CDIN1: variants seen among roughly 807,000 people sequenced by gnomAD.
CDIN1 encodes CDAN1 interacting nuclease 1.
CDIN1 carries 33 observed loss-of-function variants against 45.3 expected under a neutral mutation model. The ratio of observed to expected loss-of-function variants is 0.73; its 90% CI spans 0.55 to 0.97. CDIN1 has a LOEUF of 0.97. CDIN1 is among the 50% of genes least tolerant of loss of function. The pLI is 0.00. For missense variants in CDIN1, 303 were observed against 339.4 expected (o/e 0.89, Z 0.84); for synonymous variants, 118 against 124.4 (o/e 0.95, Z 0.34).
At chr15:36,702,062 CTG>C (rs1484580393) in intron 8 of CDIN1, 1 of 702,202 alleles carries the variant, frequency 1.4e-6, no homozygotes, top group South Asian at 1.5e-5. Context: ...AATACCAAGA[CTG>C]TGTGTACACG....
At chr15:36,626,826 G>A (rs544368317) in intron 1 of CDIN1, 19 of 262,394 alleles carry the variant, frequency 7.2e-5, no homozygotes, top group Admixed American at 3.0e-4. Flanking sequence ...GTTGGGGAGG[G>A]TATTTGCATA....
intron 1 of CDIN1, chr15:36,626,825 G>A (rs2039448141): frequency 3.8e-6 from 1 of 263,782 alleles, no homozygotes; most frequent in East Asian, 1.2e-4. Context: ...GGTTGGGGAG[G>A]GTATTTGCAT....
chr15:36,579,834 C>A lies in CDIN1; in HGVS notation c.-27C>A. Reference sequence around the variant, plus strand: ...GCCCCAGGGTGTTTTTTCCTTGTTCCCGCCACCTCCTGGTCCCTGGCCCAA... The same window carrying A: ...GCCCCAGGGTGTTTTTTCCTTGTTCACGCCACCTCCTGGTCCCTGGCCCAA... On this transcript the variant is annotated 5_prime_UTR_variant, in exon 1 of 11. Transcript: ENST00000566621. 1 of 1,591,502 alleles carries A rather than the reference C, an allele frequency of 6.3e-7. No homozygotes were observed. Among genetic ancestry groups the A allele is most frequent in the East Asian group, 2.3e-5 (1 of 44,314 alleles).
intron 10 of CDIN1, among the ~76,000 whole-genome samples, chr15:36,785,649 A>G (rs2054471192): frequency 6.6e-6 from 1 of 152,206 alleles, no homozygotes; most frequent in East Asian, 1.9e-4. Flanking sequence ...CTTGCTCTCC[A>G]GTGACCCAGG....
intron 3 of CDIN1, among the ~76,000 whole-genome samples, chr15:36,653,200 C>T (rs1250232805): frequency 1.3e-5 from 2 of 152,092 alleles, no homozygotes; most frequent in Non-Finnish European, 2.9e-5. Flanking sequence ...GGGTATTCCT[C>T]GATTGCATAT....
intron 7 of CDIN1, among the ~76,000 whole-genome samples, chr15:36,693,979 T>C (rs950773140): frequency 2.0e-5 from 3 of 152,244 alleles, no homozygotes; most frequent in Non-Finnish European, 4.4e-5. Flanking sequence ...GACGTATGTC[T>C]ATAAATTACA....
At chr15:36,587,814 G>A (rs1430436025) in intron 1 of CDIN1, among the ~76,000 whole-genome samples, 5 of 152,082 alleles carry the variant, frequency 3.3e-5, no homozygotes, top group Admixed American at 6.5e-5. Flanking sequence ...GAAGTCCGAC[G>A]GCTAGGAAGT....
intron 10 of CDIN1, chr15:36,798,622 A>C (rs543306395): frequency 6.6e-6 from 1 of 152,314 alleles, no homozygotes; most frequent in African/African-American, 2.4e-5. Context: ...TTTTATTTTA[A>C]GCAGACTTTT....
intron 5 of CDIN1, among the ~76,000 whole-genome samples, chr15:36,687,695 T>G (rs1412244516): frequency 1.3e-5 from 2 of 152,098 alleles, no homozygotes; most frequent in African/African-American, 4.8e-5. Context: ...GATGATTATT[T>G]CATGTGTAGT....
At chr15:36,597,596 C>A (rs138987239) in intron 1 of CDIN1, among the ~76,000 whole-genome samples, 64 of 152,272 alleles carry the variant, frequency 4.2e-4, no homozygotes, top group African/African-American at 1.5e-3. Flanking sequence ...GAGATTGGAA[C>A]TTTACTATTT....
chr15:36,595,290 TTATAA>T (rs36228170), intron 1 of CDIN1, among the ~76,000 whole-genome samples: 43,036 of 141,192 alleles, frequency 0.3, 7,441 homozygotes, highest in African/African-American at 0.48. Flanking sequence ...TACACTTACA[TTATAA>T]TATAATATAA....
intron 1 of CDIN1, among the ~76,000 whole-genome samples, chr15:36,580,590 C>T (rs998029403): frequency 1.3e-5 from 2 of 152,162 alleles, no homozygotes; most frequent in Admixed American, 6.6e-5. Context: ...TACTTCCTCC[C>T]CCAAACACTT....
At chr15:36,702,566 T>C (rs1057432272) in intron 8 of CDIN1, among the ~76,000 whole-genome samples, 1 of 152,110 alleles carries the variant, frequency 6.6e-6, no homozygotes, top group Non-Finnish European at 1.5e-5. Context: ...GGTCATCTGC[T>C]TTTGGGTCAC....
At chr15:36,781,649 A>C (rs1291975072) in intron 10 of CDIN1, among the ~76,000 whole-genome samples, 1 of 152,264 alleles carries the variant, frequency 6.6e-6, no homozygotes, top group Non-Finnish European at 1.5e-5. Flanking sequence ...TTTCAGTCCC[A>C]TAAAGGTTCA....
chr15:36,720,641 T>C (rs1278711008), intron 10 of CDIN1, among the ~76,000 whole-genome samples: 1 of 152,192 alleles, frequency 6.6e-6, no homozygotes, highest in African/African-American at 2.4e-5. Flanking sequence ...TATTCTATGG[T>C]GTATATGTGC....
intron 10 of CDIN1, chr15:36,798,709 T>A (rs2054903811): frequency 6.6e-6 from 1 of 152,188 alleles, no homozygotes; most frequent in Non-Finnish European, 1.5e-5. Flanking sequence ...CTGTGATCCT[T>A]TGAGAACTAT....
intron 10 of CDIN1, among the ~76,000 whole-genome samples, chr15:36,798,091 G>A (rs1032514461): frequency 6.7e-6 from 1 of 150,088 alleles, no homozygotes; most frequent in Non-Finnish European, 1.5e-5. Context: ...TCTTCTTCTA[G>A]GGCAAGGGAC....
intron 3 of CDIN1, among the ~76,000 whole-genome samples, chr15:36,652,618 T>A (rs2040617540): frequency 6.6e-6 from 1 of 152,200 alleles, no homozygotes; most frequent in Non-Finnish European, 1.5e-5. Context: ...TCCTCTTGCT[T>A]CTGAACGTCC....
intron 1 of CDIN1, among the ~76,000 whole-genome samples, chr15:36,613,244 G>A (rs1477596642): frequency 2.0e-5 from 3 of 152,140 alleles, no homozygotes; most frequent in East Asian, 1.9e-4. Context: ...TTTGGTATGC[G>A]GGTGTGGATG....
Sources: allele counts gnomAD v4.1 joint callset (sites outside exome capture counted in the v4.1 genomes callset), GRCh38; gene constraint gnomAD v4.1.1; transcripts MANE v1.5; gene names NCBI Gene and HGNC (gene_info 2026-07-23, HGNC 2026-07-21).